FAM53B: variants seen among roughly 807,000 people sequenced by gnomAD.
The protein encoded by FAM53B is protein FAM53B.
Under a neutral mutation model 32.7 loss-of-function variants are expected in FAM53B, and 12 were observed. The ratio of observed to expected loss-of-function variants is 0.37; its 90% CI spans 0.24 to 0.59. The LOEUF is 0.59. FAM53B is among the 20% of genes least tolerant of loss of function. The probability of loss-of-function intolerance (pLI) is 0.72; values close to 1 mark genes in which losing one functional copy is unlikely to be tolerated. For synonymous variants in FAM53B, 234 were observed against 228.7 expected (o/e 1.02, Z -0.21); for missense variants, 477 against 577.7 (o/e 0.83, Z 1.79).
At chr10:124,663,668 T>C (rs905228453) in intron 4 of FAM53B, among the ~76,000 whole-genome samples, 22 of 152,198 alleles carry the variant, frequency 1.4e-4, no homozygotes, top group Non-Finnish European at 2.8e-4. Context: ...TGCCAGGTGA[T>C]GTCTTCGTGC....
intron 4 of FAM53B, among the ~76,000 whole-genome samples, chr10:124,678,873 C>T (rs961916050): frequency 6.6e-6 from 1 of 152,184 alleles, no homozygotes; most frequent in African/African-American, 2.4e-5. Flanking sequence ...CAGAGGGAAG[C>T]CCCCGTGTGC....
At chr10:124,644,798 G>A (rs1949501145) in intron 4 of FAM53B, among the ~76,000 whole-genome samples, 1 of 152,194 alleles carries the variant, frequency 6.6e-6, no homozygotes, top group Admixed American at 6.5e-5. Flanking sequence ...ATTTGGGCTG[G>A]CTTTTCCAGC....
chr10:124,622,335 T>TTCA lies in FAM53B; in HGVS notation c.*904_*906dup, dbSNP rs1041564843. ...GCAGCTCCCGTCTCCCGAGGCCGTT[T>TTCA]TCAAGAGGCTGCCCTGGTATCGTGC... On this transcript the variant is annotated 3_prime_UTR_variant, in exon 5 of 5. Transcript: ENST00000337318. 7.2e-5 allele frequency: 11 copies of TTCA among 152,164 alleles called. No homozygotes were observed. Among genetic ancestry groups the TTCA allele is most frequent in the African/African-American group, 2.7e-4 (11 of 41,376 alleles). The allele number at this position is 152,164 out of a possible 1,614,324, so 9.4% of individuals were successfully genotyped here.
At chr10:124,717,001 C>T (rs1950042078) in intron 1 of FAM53B, among the ~76,000 whole-genome samples, 1 of 152,032 alleles carries the variant, frequency 6.6e-6, no homozygotes, top group African/African-American at 2.4e-5. Context: ...ACTGAATTTA[C>T]TCAAACCATG....
intron 1 of FAM53B, among the ~76,000 whole-genome samples, chr10:124,728,638 A>G (rs967085570): frequency 2.6e-5 from 4 of 152,214 alleles, no homozygotes; most frequent in Non-Finnish European, 5.9e-5. Context: ...GATGACTTCT[A>G]TGCAAGATAT....
At chr10:124,707,117 T>C (rs562516275) in intron 1 of FAM53B, among the ~76,000 whole-genome samples, 74 of 152,186 alleles carry the variant, frequency 4.9e-4, no homozygotes, top group Non-Finnish European at 9.0e-4. Flanking sequence ...GCCTGGTGGA[T>C]AGAACAACAA....
chr10:124,713,036 C>T (rs559801120), intron 1 of FAM53B, among the ~76,000 whole-genome samples: 2 of 152,288 alleles, frequency 1.3e-5, no homozygotes, highest in African/African-American at 2.4e-5. Context: ...TGGCTGCTGC[C>T]GTGGTCAGCA....
At chr10:124,710,445 G>A (rs772235646) in intron 1 of FAM53B, among the ~76,000 whole-genome samples, 11 of 152,348 alleles carry the variant, frequency 7.2e-5, no homozygotes, top group Admixed American at 2.6e-4. Context: ...AGCCCAGCAC[G>A]ATCTGGAATT....
At chr10:124,666,775 C>T (rs1451538738) in intron 4 of FAM53B, among the ~76,000 whole-genome samples, 1 of 152,246 alleles carries the variant, frequency 6.6e-6, no homozygotes, top group Non-Finnish European at 1.5e-5. Context: ...CCGGGCCTCC[C>T]GGACCAGCCC....
At chr10:124,625,999 C>T (rs969953853) in intron 4 of FAM53B, among the ~76,000 whole-genome samples, 18 of 152,218 alleles carry the variant, frequency 1.2e-4, no homozygotes, top group Non-Finnish European at 2.9e-5. Context: ...AAGGCCAGAG[C>T]AGCCCGGATG....
chr10:124,672,091 T>C (rs998813093), intron 4 of FAM53B, among the ~76,000 whole-genome samples: 11 of 152,216 alleles, frequency 7.2e-5, no homozygotes, highest in African/African-American at 9.6e-5. Flanking sequence ...ACTGATGCAG[T>C]GCCTGGGGCG....
chr10:124,737,860 C>T (rs756869209), intron 1 of FAM53B, among the ~76,000 whole-genome samples: 5 of 152,128 alleles, frequency 3.3e-5, no homozygotes, highest in East Asian at 3.8e-4. Flanking sequence ...CAGGGGCACA[C>T]GGTATGCCAA....
chr10:124,735,383 T>C (rs958981713), intron 1 of FAM53B, among the ~76,000 whole-genome samples: 1 of 152,206 alleles, frequency 6.6e-6, no homozygotes, highest in Non-Finnish European at 1.5e-5. Context: ...AAGATTTCGT[T>C]TCCTAGAGAG....
At chr10:124,630,758 T>C (rs1949386019) in intron 4 of FAM53B, among the ~76,000 whole-genome samples, 1 of 152,214 alleles carries the variant, frequency 6.6e-6, no homozygotes, top group South Asian at 2.1e-4. Context: ...CCTGGTCAGT[T>C]ACTAGGAAAG....
intron 1 of FAM53B, chr10:124,713,290 C>T (rs539609657): frequency 6.6e-6 from 1 of 152,388 alleles, no homozygotes; most frequent in South Asian, 2.1e-4. Context: ...CAATATCATA[C>T]ATCTAGCAGG....
At chr10:124,650,088 A>G (rs10736889) in intron 4 of FAM53B, among the ~76,000 whole-genome samples, 82,684 of 152,054 alleles carry the variant, frequency 0.54, 23,193 homozygotes, top group Non-Finnish European at 0.62. Context: ...ACAGGTACAG[A>G]TGACATAATT....
chr10:124,686,449 C>G (rs1298941014), intron 3 of FAM53B, among the ~76,000 whole-genome samples: 1 of 152,240 alleles, frequency 6.6e-6, no homozygotes, highest in Non-Finnish European at 1.5e-5. Flanking sequence ...CACTCCTTTG[C>G]AAAGAACATT....
intron 4 of FAM53B, among the ~76,000 whole-genome samples, chr10:124,664,695 C>T (rs566897220): frequency 2.0e-5 from 3 of 152,346 alleles, no homozygotes; most frequent in Admixed American, 2.0e-4. Flanking sequence ...CCCCAGCCAT[C>T]CACAGAAATG....
intron 4 of FAM53B, among the ~76,000 whole-genome samples, chr10:124,657,052 GTATATATGTATA>G (rs200227208): frequency 0.27 from 38,089 of 141,046 alleles, 6,251 homozygotes; most frequent in South Asian, 0.38. Context: ...ATATATATAT[GTATATATGTATA>G]TATATATGTA....
Sources: allele counts gnomAD v4.1 joint callset (sites outside exome capture counted in the v4.1 genomes callset), GRCh38; gene constraint gnomAD v4.1.1; transcripts MANE v1.5; gene names NCBI Gene and HGNC (gene_info 2026-07-23, HGNC 2026-07-21).